PRKAR1B: variants seen among roughly 807,000 people sequenced by gnomAD.
PRKAR1B encodes the protein cAMP-dependent protein kinase type I-beta regulatory subunit.
A neutral mutation model predicts 46.5 loss-of-function variants in PRKAR1B; 22 were observed. The observed-to-expected ratio is 0.47, with a 90% CI of 0.34 to 0.68. PRKAR1B has a LOEUF of 0.68. Ranked by LOEUF, PRKAR1B falls within the 30% of genes least tolerant of loss-of-function variation. The probability of loss-of-function intolerance (pLI) is 0.01; values close to 1 mark genes in which losing one functional copy is unlikely to be tolerated. For synonymous variants in PRKAR1B, 259 were observed against 217.7 expected, an observed-to-expected ratio of 1.19 and a Z score of -1.67; for missense variants, 445 against 535.6, an observed-to-expected ratio of 0.83 and a Z score of 1.67.
chr7:621,389 C>A (rs752830530), intron 4 of PRKAR1B, among the ~76,000 whole-genome samples: 3 of 152,156 alleles, frequency 2.0e-5, no homozygotes, highest in African/African-American at 7.2e-5. Flanking sequence ...TAAAAATTTA[C>A]AAAATTCATA....
At chr7:681,138 C>T (rs982703049) in intron 2 of PRKAR1B, among the ~76,000 whole-genome samples, 1 of 152,082 alleles carries the variant, frequency 6.6e-6, no homozygotes. Context: ...CAGCACTTCT[C>T]CTTCCTGCTG....
rs574140946 is a variant in PRKAR1B at position 667,087 on chromosome 7, T to C, written c.440+10142A>G. Among the ~76,000 whole-genome samples, 1 of 152,072 alleles carries C rather than the reference T, an allele frequency of 6.6e-6. No homozygotes were observed. The highest frequency in any genetic ancestry group is 2.1e-4 in the South Asian group (1 of 4,806). On this transcript the variant is annotated intron_variant, in intron 4 of 10. Transcript: ENST00000537384. This position sits in a 1 kb window ranked among gnomAD's most constrained non-coding sequence, Gnocchi z 4.3. ...ATGATGGTGATGGTGGGGATGGTGA[T>C]GATGATGGTGGTGATAACGATGATG...
At chr7:635,637 C>G (rs9969233) in intron 4 of PRKAR1B, among the ~76,000 whole-genome samples, 2 of 152,178 alleles carry the variant, frequency 1.3e-5, no homozygotes, top group South Asian at 4.1e-4. Flanking sequence ...CCCAGACTAT[C>G]CTGTGAACAG....
rs182395070 is a variant in PRKAR1B, at chr7:674,256, C to G, written c.440+2973G>C. ...ACCATGTCCAGGCTAATCCTGAATT[C>G]CAGCCACACCCAGCTACTCTAGTCA... On this transcript the variant is annotated intron_variant, in intron 4 of 10. Transcript: ENST00000537384. Among the ~76,000 whole-genome samples, 18 of 151,918 alleles carry G rather than the reference C, an allele frequency of 1.2e-4. No homozygotes were observed. The East Asian group carries it at 3.5e-3, about 30-fold the overall frequency.
chr7:711,238 G>C, intron 2 of PRKAR1B, 91 bp downstream of exon 2: 6 of 1,519,134 alleles, frequency 3.9e-6, no homozygotes, highest in Non-Finnish European at 5.4e-6. Flanking sequence ...CAGCCTTCGA[G>C]GACCACGGGA....
At chr7:661,654 C>A (rs1251853192) in intron 4 of PRKAR1B, among the ~76,000 whole-genome samples, 8 of 43,042 alleles carry the variant, frequency 1.9e-4, no homozygotes, top group South Asian at 1.8e-3. Context: ...ACTCTCCCCC[C>A]CATGGCACAG....
intron 2 of PRKAR1B, among the ~76,000 whole-genome samples, chr7:687,046 T>C (rs989055214): frequency 2.0e-5 from 3 of 152,208 alleles, no homozygotes; most frequent in Non-Finnish European, 4.4e-5. Flanking sequence ...CAGTCCCTAA[T>C]TGGATAAGGG....
chr7:593,622 C>T lies in PRKAR1B; in HGVS notation c.708+2524G>A, dbSNP rs1781109384. Among the ~76,000 whole-genome samples the T allele has an allele frequency of 6.6e-6, 1 of 152,178 alleles. No homozygotes were observed. The highest frequency in any genetic ancestry group is 2.1e-4 in the South Asian group (1 of 4,830). ...GAGGAGATGGGAACCGCTGTGCCCT[C>T]TTCCTGCCCCAAAACCGCTCCAGCC... On this transcript the variant is annotated intron_variant, in intron 7 of 10. Coordinates refer to ENST00000537384, the MANE Select transcript of PRKAR1B (RefSeq NM_001164760.2). This position sits in a 1 kb window ranked among gnomAD's most constrained non-coding sequence, Gnocchi z 6.1.
chr7:565,850 C>A (rs193026376), intron 9 of PRKAR1B, among the ~76,000 whole-genome samples: 7 of 152,302 alleles, frequency 4.6e-5, no homozygotes, highest in Admixed American at 1.3e-4. Flanking sequence ...AGTTTCCCCA[C>A]TGTAAAATAA....
In PRKAR1B at chr7:599,976, T is replaced by C. The variant is rs9771295; in HGVS notation, c.550-3672A>G. On this transcript the variant is annotated intron_variant, in intron 6 of 10. Transcript: ENST00000537384. ...GGGAGGCGCACGGGCAGGCCCCCCA[T>C]TCACCTTCACTCGCTCACCCTCTGT... Among the ~76,000 whole-genome samples the C allele has an allele frequency of 9.6e-3, 1,086 of 113,168 alleles. 2 individuals are homozygous for C. Among genetic ancestry groups the C allele is most frequent in the African/African-American group, 0.04 (1,019 of 25,530 alleles). 74.2% of individuals were successfully genotyped at this position (113,168 alleles called of 152,430 possible).
chr7:628,349 G>A (rs991990631), intron 4 of PRKAR1B, among the ~76,000 whole-genome samples: 9 of 152,162 alleles, frequency 5.9e-5, no homozygotes, highest in East Asian at 1.9e-4. Context: ...GGCACGAGGC[G>A]GGAGCCGCCA....
At chr7:616,111 G>A (rs149488295) in intron 4 of PRKAR1B, among the ~76,000 whole-genome samples, 424 of 152,252 alleles carry the variant, frequency 2.8e-3, no homozygotes, top group African/African-American at 9.6e-3. Context: ...CCCTGCCCGC[G>A]GGTGCACACG....
At chr7:658,546 A>G (rs1463742591) in intron 4 of PRKAR1B, among the ~76,000 whole-genome samples, 1 of 152,190 alleles carries the variant, frequency 6.6e-6, no homozygotes, top group East Asian at 1.9e-4. Flanking sequence ...GAGGGAAGAG[A>G]GATGAGAGCA....
At chr7:556,024 G>C (rs937152492) in intron 9 of PRKAR1B, among the ~76,000 whole-genome samples, 1 of 152,024 alleles carries the variant, frequency 6.6e-6, no homozygotes, top group Non-Finnish European at 1.5e-5. Context: ...CGGCCCCTCC[G>C]GGCCCCTGTC....
intron 4 of PRKAR1B, among the ~76,000 whole-genome samples, chr7:631,454 A>G (rs1232061340): frequency 6.6e-6 from 1 of 152,212 alleles, no homozygotes; most frequent in Non-Finnish European, 1.5e-5. Context: ...AACAGGCAGA[A>G]GCCGGTCACC....
At chr7:640,455 G>C (rs1198232695) in intron 4 of PRKAR1B, among the ~76,000 whole-genome samples, 1 of 152,096 alleles carries the variant, frequency 6.6e-6, no homozygotes, top group African/African-American at 2.4e-5. Context: ...TAGTCATTCA[G>C]GAAATGTGAA....
intron 4 of PRKAR1B, among the ~76,000 whole-genome samples, chr7:656,990 T>C (rs188388530): frequency 6.1e-4 from 92 of 150,506 alleles, no homozygotes; most frequent in African/African-American, 2.1e-3. Context: ...GACGGATGGA[T>C]GAATGGATGG....
At chr7:698,258 T>G (rs1439739589) in intron 2 of PRKAR1B, among the ~76,000 whole-genome samples, 1 of 151,622 alleles carries the variant, frequency 6.6e-6, no homozygotes, top group African/African-American at 2.4e-5. Flanking sequence ...ATTAAGAAAA[T>G]TAAAAATTAA....
Position 719,502 on chromosome 7 carries a change from G to A in PRKAR1B, c.-23+7708C>T, listed in dbSNP as rs896407125. On this transcript the variant is annotated intron_variant, in intron 1 of 10. Coordinates refer to ENST00000537384, the MANE Select transcript of PRKAR1B (RefSeq NM_001164760.2). ...CTAAGTTTTAATATTTCTTTGTAGC[G>A]ACGAGGTGTCACTATTTGGCCCAGG... Among the ~76,000 whole-genome samples, 8 of 152,244 alleles carry A rather than the reference G, an allele frequency of 5.3e-5. No homozygotes were observed. The South Asian group carries it at 8.3e-4, about 16-fold the overall frequency.
Sources: gnomAD v4.1 joint callset for allele counts (sites outside exome capture counted in the v4.1 genomes callset) on GRCh38, gnomAD v4.1.1 for gene constraint, Gnocchi (gnomAD v3.1) non-coding constraint, MANE v1.5 for transcripts, NCBI Gene and HGNC (gene_info 2026-07-23, HGNC 2026-07-21) for gene names.